Variants in AHRR observed in about 807,000 individuals in gnomAD.
AHRR encodes the protein aryl hydrocarbon receptor repressor.
A neutral mutation model predicts 44.0 loss-of-function variants in AHRR; 28 were observed. That is an observed-to-expected ratio of 0.64 (90% confidence interval 0.47 to 0.87). AHRR has a LOEUF of 0.87. Ranked by LOEUF, AHRR falls within the 40% of genes least tolerant of loss-of-function variation. The probability of loss-of-function intolerance (pLI) is 0.00; values close to 1 mark genes in which losing one functional copy is unlikely to be tolerated. For missense variants in AHRR, 990 were observed against 953.9 expected, an observed-to-expected ratio of 1.04 and a Z score of -0.50; for synonymous variants, 434 against 407.0, an observed-to-expected ratio of 1.07 and a Z score of -0.80.
At chr5:432,775 G>A (rs745772537) in intron 9 of AHRR, 31 bp from the exon 10 acceptor site, 44 of 1,612,122 alleles carry the variant, frequency 2.7e-5, no homozygotes, top group Middle Eastern at 1.6e-4. Flanking sequence ...CTCGCACCGT[G>A]ACGGCTTCCC....
At chr5:402,258 A>T (rs1735043850) in intron 4 of AHRR, among the ~76,000 whole-genome samples, 1 of 152,256 alleles carries the variant, frequency 6.6e-6, no homozygotes, top group East Asian at 1.9e-4. Flanking sequence ...CTCTCACACC[A>T]TCAGGACAGC....
intron 8 of AHRR, among the ~76,000 whole-genome samples, chr5:430,753 A>T (rs1182659787): frequency 6.6e-6 from 1 of 152,128 alleles, no homozygotes; most frequent in African/African-American, 2.4e-5. Context: ...TGCTAGCCCC[A>T]CCTCACTGCT....
rs769366442 is a variant in AHRR at position 422,859 on chromosome 5, G to C, written c.571+1G>C. 1 of 1,609,486 alleles carries C rather than the reference G, an allele frequency of 6.2e-7. No individual in the cohort carries two copies. The highest frequency in any genetic ancestry group is 8.5e-7 in the Non-Finnish European group (1 of 1,177,262). On this transcript the variant is annotated splice_donor_variant, in intron 6 of 10. Transcript: ENST00000684583. LOFTEE classifies it high-confidence loss of function. ...GGGCAGCCCCCGCCCTTGGAGACAG[G>C]TGGGTGTCTGGGGTCCAAGTGAGTC...
chr5:344,389 T>C (rs55861350), intron 2 of AHRR, among the ~76,000 whole-genome samples: 1 of 94,184 alleles, frequency 1.1e-5, no homozygotes, highest in Non-Finnish European at 2.2e-5. Flanking sequence ...GCTGTGTGTC[T>C]GCGGGTGGGG....
chr5:330,796 C>T (rs1323537642), intron 1 of AHRR, among the ~76,000 whole-genome samples: 1 of 151,616 alleles, frequency 6.6e-6, no homozygotes. Flanking sequence ...GCATTCTCTC[C>T]TACTCAATTT....
intron 5 of AHRR, 112 bp from the exon 6 acceptor site, chr5:422,617 C>T: frequency 7.0e-7 from 1 of 1,421,334 alleles, no homozygotes; most frequent in Non-Finnish European, 9.9e-7. Context: ...CTCCCTGTGG[C>T]TGTGACTTGC....
rs778035613 is a variant in AHRR, at chr5:422,792, C to G, written c.505C>G (p.Arg169Gly). 6.2e-7 allele frequency: 1 copy of G among 1,614,126 alleles called. No individual in the cohort carries two copies. The change falls in exon 6 of 11, where the codon CGG (arginine) becomes GGG (glycine). Residue 169 changes from arginine to glycine, a missense_variant. By Grantham distance (125) the Arg-to-Gly change is moderately radical. Coordinates refer to ENST00000684583, the MANE Select transcript of AHRR (RefSeq NM_001377236.1). ...IHVDDRQDFC[R>G]QLHWAMDPPQ... ...CGTGGACGACCGCCAGGACTTCTGCCGGCAGCTCCACTGGGCCATGGACCC... is the reference window on the plus strand; with the variant it reads ...CGTGGACGACCGCCAGGACTTCTGCGGGCAGCTCCACTGGGCCATGGACCC...
intron 1 of AHRR, among the ~76,000 whole-genome samples, chr5:324,023 C>CTCTTTCTTTT (rs1278674794): frequency 1.5e-5 from 2 of 135,306 alleles, no homozygotes; most frequent in Admixed American, 7.1e-5. Flanking sequence ...TTCTTTCTTT[C>CTCTTTCTTTT]TCTCTCTCTC....
At chr5:368,941 A>G (rs1743468272) in intron 3 of AHRR, among the ~76,000 whole-genome samples, 1 of 152,136 alleles carries the variant, frequency 6.6e-6, no homozygotes, top group Non-Finnish European at 1.5e-5. Context: ...AAATTCAGCA[A>G]CTTGATGCAG....
At chr5:325,346 G>A (rs1327992864) in intron 1 of AHRR, among the ~76,000 whole-genome samples, 2 of 152,208 alleles carry the variant, frequency 1.3e-5, no homozygotes, top group African/African-American at 4.8e-5. Flanking sequence ...GAGTGGGTTT[G>A]CTCTATGCCC....
chr5:387,432 C>T lies in AHRR; in HGVS notation c.351+10716C>T, dbSNP rs1734211963. Among the ~76,000 whole-genome samples, 1 of 152,228 alleles carries T rather than the reference C, an allele frequency of 6.6e-6. No homozygotes were observed. The highest frequency in any genetic ancestry group is 2.1e-4 in the South Asian group (1 of 4,828). ...TAATGAGGATTGCCCTCTTCTTGTA[C>T]AGCAGGGACCCCATTGTGGGGGTCC... is the stretch of plus-strand genomic sequence containing the variant. On this transcript the variant is annotated intron_variant, in intron 4 of 10. Transcript: ENST00000684583. The surrounding 1 kb of genome is among the most constrained non-coding windows in gnomAD (Gnocchi z 5.1).
At chr5:360,576 T>G (rs149395310) in intron 3 of AHRR, among the ~76,000 whole-genome samples, 234 of 152,276 alleles carry the variant, frequency 1.5e-3, no homozygotes, top group African/African-American at 5.1e-3. Flanking sequence ...TGGTGAGGGC[T>G]CAGAGAGGAG....
At chr5:365,413 A>G (rs1361326724) in intron 3 of AHRR, among the ~76,000 whole-genome samples, 1 of 152,234 alleles carries the variant, frequency 6.6e-6, no homozygotes, top group Non-Finnish European at 1.5e-5. Flanking sequence ...TAGGTCAAAG[A>G]AGAAAAGAAG....
chr5:427,597 TG>T (rs2126541465), intron 7 of AHRR: 2 of 1,609,062 alleles, frequency 1.2e-6, no homozygotes, highest in Non-Finnish European at 1.7e-6. Flanking sequence ...GAGTGGGGGA[TG>T]GTTTCAGGAT....
chr5:424,287 G>A (rs111678913), intron 7 of AHRR, among the ~76,000 whole-genome samples: 389 of 129,970 alleles, frequency 3.0e-3, no homozygotes, highest in Non-Finnish European at 5.0e-3. Context: ...CTGTGATGGT[G>A]TGGGGGCTTT....
At chr5:374,336 TCTG>T (rs1328400047) in intron 3 of AHRR, among the ~76,000 whole-genome samples, 13 of 152,216 alleles carry the variant, frequency 8.5e-5, no homozygotes, top group African/African-American at 3.1e-4. Context: ...TTCTCCTGGG[TCTG>T]CACTTGGGAG....
chr5:428,275 G>C (rs1247772452), intron 8 of AHRR, among the ~76,000 whole-genome samples: 1 of 152,242 alleles, frequency 6.6e-6, no homozygotes, highest in Non-Finnish European at 1.5e-5. Flanking sequence ...CAGAATAAGT[G>C]TCCTGACCCC....
chr5:398,290 C>T (rs543156649), intron 4 of AHRR, among the ~76,000 whole-genome samples: 17 of 152,154 alleles, frequency 1.1e-4, no homozygotes, highest in African/African-American at 3.9e-4. Flanking sequence ...CCTGACCATC[C>T]GTGTTAGCCC....
chr5:424,868 T>A (rs923747070), intron 7 of AHRR, among the ~76,000 whole-genome samples: 1 of 152,338 alleles, frequency 6.6e-6, no homozygotes, highest in African/African-American at 2.4e-5. Context: ...ATCGGACATG[T>A]CAGGGCAAAG....
Sources: allele counts gnomAD v4.1 joint callset (sites outside exome capture counted in the v4.1 genomes callset), GRCh38; gene constraint gnomAD v4.1.1; non-coding constraint Gnocchi (gnomAD v3.1); transcripts MANE v1.5; gene names NCBI Gene and HGNC (gene_info 2026-07-23, HGNC 2026-07-21).